ANKRD6: variants seen among roughly 807,000 people sequenced by gnomAD.
ANKRD6 encodes the protein ankyrin repeat domain 6.
Under a neutral mutation model 82.3 loss-of-function variants are expected in ANKRD6, and 56 were observed. That is an observed-to-expected ratio of 0.68 (90% CI 0.55 to 0.85). The LOEUF is 0.85. Ranked by LOEUF, ANKRD6 falls within the 40% of genes least tolerant of loss-of-function variation. The pLI, the probability that ANKRD6 is intolerant of heterozygous loss-of-function variation, is 0.00. For synonymous variants in ANKRD6, 347 were observed against 352.1 expected (o/e 0.99, Z 0.16); for missense variants, 852 against 907.6 (o/e 0.94, Z 0.79).
At chr6:89,594,495 G>GT (rs1264728167) in intron 2 of ANKRD6, among the ~76,000 whole-genome samples, 1 of 152,000 alleles carries the variant, frequency 6.6e-6, no homozygotes, top group East Asian at 1.9e-4. Context: ...GCAACACAAT[G>GT]TTTATATATA....
At chr6:89,460,624 C>T (rs1202241) in intron 1 of ANKRD6, among the ~76,000 whole-genome samples, 1 of 151,770 alleles carries the variant, frequency 6.6e-6, no homozygotes, top group African/African-American at 2.4e-5. Flanking sequence ...TTAGTAGAGA[C>T]GGGGTTTCAC....
At chr6:89,549,916 A>G (rs1336293105) in intron 1 of ANKRD6, among the ~76,000 whole-genome samples, 7 of 139,748 alleles carry the variant, frequency 5.0e-5, no homozygotes, top group Admixed American at 4.9e-4. Context: ...GTCTCTTTAA[A>G]AAAAAGAAAA....
chr6:89,606,168 C>A (rs761893819), intron 5 of ANKRD6, 63 bp downstream of exon 5: 6 of 1,307,454 alleles, frequency 4.6e-6, no homozygotes, highest in East Asian at 5.2e-5. Flanking sequence ...GGTTTCTCCC[C>A]CTGTGGGAGC....
intron 2 of ANKRD6, among the ~76,000 whole-genome samples, chr6:89,574,549 A>G (rs976113831): frequency 6.6e-6 from 1 of 152,188 alleles, no homozygotes; most frequent in Non-Finnish European, 1.5e-5. Context: ...CTCACATCCC[A>G]TCTGTGCCGA....
chr6:89,625,856 G>A (rs1805488328), intron 13 of ANKRD6, among the ~76,000 whole-genome samples: 1 of 151,142 alleles, frequency 6.6e-6, no homozygotes, highest in Non-Finnish European at 1.5e-5. Context: ...ACCTCAGTCT[G>A]CTGAGTAGCT....
chr6:89,457,439 A>G (rs1773620726), intron 1 of ANKRD6, among the ~76,000 whole-genome samples: 1 of 152,212 alleles, frequency 6.6e-6, no homozygotes, highest in African/African-American at 2.4e-5. Context: ...CCTTACGTGC[A>G]TGTCATCAAA....
At chr6:89,586,690 A>G (rs989808918) in intron 2 of ANKRD6, among the ~76,000 whole-genome samples, 4 of 150,790 alleles carry the variant, frequency 2.7e-5, no homozygotes, top group East Asian at 2.0e-4. Flanking sequence ...GTCTTGGGGG[A>G]GAAAAAAAGA....
In ANKRD6 at chr6:89,499,480, C is replaced by T. The variant is rs552460662; in HGVS notation, c.-144+66105C>T. Among the ~76,000 whole-genome samples, 18 of 152,178 alleles carry T rather than the reference C, an allele frequency of 1.2e-4. No homozygotes were observed. In the South Asian group the frequency reaches 3.7e-3, roughly 32 times the overall value. ...TCTGGTCTAGTCATCTAGTCATGGA[C>T]TTGAGGAATTTTAGGGATAGGAAGT... On this transcript the variant is annotated intron_variant, in intron 1 of 15. Transcript: ENST00000339746.
intron 1 of ANKRD6, among the ~76,000 whole-genome samples, chr6:89,558,417 A>G (rs1194193287): frequency 6.6e-6 from 1 of 152,232 alleles, no homozygotes; most frequent in Non-Finnish European, 1.5e-5. Flanking sequence ...ATGAGCCATG[A>G]AAAGGCAAGG....
chr6:89,514,353 G>C (rs1289208723), intron 1 of ANKRD6, among the ~76,000 whole-genome samples: 1 of 152,044 alleles, frequency 6.6e-6, no homozygotes, highest in Non-Finnish European at 1.5e-5. Context: ...ACTCCAGTTT[G>C]GGTTACAGAG....
chr6:89,589,960 C>G (rs1459216815), intron 2 of ANKRD6, among the ~76,000 whole-genome samples: 1 of 152,206 alleles, frequency 6.6e-6, no homozygotes, highest in Non-Finnish European at 1.5e-5. Context: ...GATGGCCCAG[C>G]CTGATACCAG....
At position 89,566,839 on chromosome 6, in the gene ANKRD6, G is replaced by A. The variant is rs950519628; in HGVS notation, c.-138G>A. 8.8e-6 allele frequency: 11 copies of A among 1,249,244 alleles called. No homozygotes were observed. The highest frequency in any genetic ancestry group is 7.6e-5 in the African/African-American group (5 of 66,124). 77.4% of individuals were successfully genotyped at this position (1,249,244 alleles called of 1,614,324 possible). On this transcript the variant is annotated 5_prime_UTR_variant, in exon 2 of 16. Transcript: ENST00000339746. ...CTTTGTTTTGTAACCCCTAGGTCCC[G>A]AAGATGGCATATTCATAAAGACATC...
chr6:89,603,084 C>T lies in ANKRD6; in HGVS notation c.275C>T (p.Ala92Val), dbSNP rs200509240. ...ATVVGNTEIIAALIHEGCALD... is the reference protein window; with the variant it reads ...ATVVGNTEIIVALIHEGCALD... ...GTGGTGGGGAACACGGAGATCATCGCGGCGCTCATCCACGAAGGGTGTGCC... is the reference window on the plus strand; with the variant it reads ...GTGGTGGGGAACACGGAGATCATCGTGGCGCTCATCCACGAAGGGTGTGCC... The change falls in exon 4 of 16, where the codon GCG becomes GTG. Residue 92 changes from alanine to valine, a missense_variant. Physicochemically the swap from Ala to Val is moderately conservative, Grantham distance 64. Coordinates refer to ENST00000339746, the MANE Select transcript of ANKRD6 (RefSeq NM_001242809.2). 132 of 1,608,584 alleles carry T rather than the reference C, an allele frequency of 8.2e-5. No individual in the cohort carries two copies. In the East Asian group the frequency reaches 2.5e-3, roughly 31 times the overall value.
intron 1 of ANKRD6, among the ~76,000 whole-genome samples, chr6:89,543,350 G>C (rs1784656622): frequency 6.6e-6 from 1 of 152,176 alleles, no homozygotes; most frequent in Non-Finnish European, 1.5e-5. Flanking sequence ...TAGTTTCTAA[G>C]TATATTTACC....
At chr6:89,478,798 A>T (rs56239613) in intron 1 of ANKRD6, among the ~76,000 whole-genome samples, 168 of 151,796 alleles carry the variant, frequency 1.1e-3, no homozygotes, top group African/African-American at 3.5e-3. Flanking sequence ...TTAAAAAAAA[A>T]ATTTTTTTAA....
intron 1 of ANKRD6, among the ~76,000 whole-genome samples, chr6:89,550,817 A>G (rs528064300): frequency 1.3e-5 from 2 of 152,116 alleles, no homozygotes; most frequent in East Asian, 1.9e-4. Flanking sequence ...TTAGCAGGGC[A>G]TGGTGGCGGG....
intron 8 of ANKRD6, 184 bp downstream of exon 8, chr6:89,616,841 C>A (rs1467606497): frequency 1.1e-5 from 8 of 701,642 alleles, no homozygotes; most frequent in Admixed American, 4.1e-5. Context: ...TGAGCAGCCC[C>A]AGGAGTTGAC....
intron 1 of ANKRD6, among the ~76,000 whole-genome samples, chr6:89,543,443 C>A (rs1477729863): frequency 4.6e-5 from 7 of 152,118 alleles, no homozygotes; most frequent in African/African-American, 1.7e-4. Flanking sequence ...CTCCACTTGT[C>A]CCCTGGACTC....
At chr6:89,451,916 G>A (rs1772870820) in intron 1 of ANKRD6, among the ~76,000 whole-genome samples, 1 of 152,068 alleles carries the variant, frequency 6.6e-6, no homozygotes, top group Admixed American at 6.6e-5. Flanking sequence ...AGACTTTTAG[G>A]CTGGGCATAG....
Sources: allele counts gnomAD v4.1 joint callset (sites outside exome capture counted in the v4.1 genomes callset), GRCh38; gene constraint gnomAD v4.1.1; transcripts MANE v1.5; gene names NCBI Gene and HGNC (gene_info 2026-07-23, HGNC 2026-07-21).